Variants in EPHA6 observed in about 807,000 individuals in gnomAD.
The protein encoded by EPHA6 is ephrin type-A receptor 6.
A neutral mutation model predicts 112.0 loss-of-function variants in EPHA6; 50 were observed. The ratio of observed to expected loss-of-function variants is 0.45; its 90% CI spans 0.36 to 0.56. The LOEUF is 0.56. Among genes scored for constraint, EPHA6 ranks in the 20% least tolerant of loss-of-function variants. The pLI, the probability that EPHA6 is intolerant of heterozygous loss-of-function variation, is 0.00. For synonymous variants in EPHA6, 529 were observed against 490.7 expected, an observed-to-expected ratio of 1.08 and a Z score of -1.03; for missense variants, 1,280 against 1,417.4, an observed-to-expected ratio of 0.90 and a Z score of 1.56.
At chr3:97,627,766 CT>C (rs1387377340) in intron 13 of EPHA6, among the ~76,000 whole-genome samples, 1 of 151,796 alleles carries the variant, frequency 6.6e-6, no homozygotes, top group East Asian at 1.9e-4. Context: ...GGAAACATCT[CT>C]TGGACAGCAA....
chr3:97,492,170 A>G (rs970943447), intron 10 of EPHA6, among the ~76,000 whole-genome samples: 3 of 151,664 alleles, frequency 2.0e-5, no homozygotes, highest in Admixed American at 1.3e-4. Flanking sequence ...TTTGCTTTGC[A>G]CCCCCTAATG....
chr3:97,492,476 A>AGATTGTAGT (rs1246623778), intron 10 of EPHA6, among the ~76,000 whole-genome samples: 1 of 141,990 alleles, frequency 7.0e-6, no homozygotes, highest in Non-Finnish European at 1.5e-5. Context: ...AGGGAGGCGG[A>AGATTGTAGT]GATTGTAGTG....
At chr3:96,913,201 CACACACACACA>C (rs2039311833) in intron 2 of EPHA6, among the ~76,000 whole-genome samples, 1 of 121,218 alleles carries the variant, frequency 8.2e-6, no homozygotes, top group African/African-American at 3.2e-5. Context: ...CACACACACA[CACACACACACA>C]CCACACACAC....
intron 10 of EPHA6, among the ~76,000 whole-genome samples, chr3:97,493,361 T>G (rs187310391): frequency 1.3e-5 from 2 of 152,270 alleles, no homozygotes; most frequent in Admixed American, 1.3e-4. Flanking sequence ...TTCTGGAGGC[T>G]GGAGTTTTAG....
At chr3:97,009,259 A>G (rs535853340) in intron 3 of EPHA6, among the ~76,000 whole-genome samples, 8 of 152,116 alleles carry the variant, frequency 5.3e-5, no homozygotes, top group Non-Finnish European at 1.0e-4. Context: ...TCCTTCCCCT[A>G]GGGGCTAAGG....
intron 16 of EPHA6, among the ~76,000 whole-genome samples, chr3:97,746,918 T>C (rs1044268170): frequency 6.6e-6 from 1 of 151,930 alleles, no homozygotes; most frequent in Non-Finnish European, 1.5e-5. Flanking sequence ...AAATGGAAGT[T>C]TGATCAATGA....
At chr3:97,685,052 T>TATG (rs1294514073) in intron 14 of EPHA6, among the ~76,000 whole-genome samples, 3 of 152,186 alleles carry the variant, frequency 2.0e-5, no homozygotes, top group African/African-American at 7.2e-5. Context: ...TAAGTTTGCC[T>TATG]ATGACAGCTG....
chr3:97,687,077 G>T (rs896453898), intron 14 of EPHA6, among the ~76,000 whole-genome samples: 1 of 152,180 alleles, frequency 6.6e-6, no homozygotes, highest in African/African-American at 2.4e-5. Flanking sequence ...ACAAATGAAA[G>T]TCCTTTCCCC....
At chr3:97,230,254 A>T (rs974180260) in intron 4 of EPHA6, among the ~76,000 whole-genome samples, 2 of 152,164 alleles carry the variant, frequency 1.3e-5, no homozygotes, top group Non-Finnish European at 1.5e-5. Context: ...GTAAAGTAGT[A>T]TAGTCAATAA....
chr3:97,599,538 T>C (rs868658361), intron 12 of EPHA6, among the ~76,000 whole-genome samples: 1 of 150,062 alleles, frequency 6.7e-6, no homozygotes, highest in African/African-American at 2.5e-5. Flanking sequence ...TTTCCCCATT[T>C]CTTGTTTTTC....
chr3:97,281,199 CTA>C lies in EPHA6; in HGVS notation c.1606+36914_1606+36915del, dbSNP rs775586188. ...AATTGCAATCATTAATTCAAAGAGTCTATGTGTGTGTGTGTGTGTGTGTGTGT... is the reference window on the plus strand; with the variant it reads ...AATTGCAATCATTAATTCAAAGAGTCTGTGTGTGTGTGTGTGTGTGTGTGT... On this transcript the variant is annotated intron_variant, in intron 5 of 17. Coordinates refer to ENST00000389672, the MANE Select transcript of EPHA6 (RefSeq NM_001080448.3). Among the ~76,000 whole-genome samples, 31 of 68,056 alleles carry C rather than the reference CTA, an allele frequency of 4.6e-4. No individual in the cohort carries two copies. In the East Asian group the frequency reaches 7.9e-3, roughly 17 times the overall value. The allele number at this position is 68,056 out of a possible 152,430, so 44.6% of individuals were successfully genotyped here. A position where few individuals can be genotyped will look rare whatever the true frequency, so the allele number is the denominator to read the frequency against.
At position 97,349,351 on chromosome 3, in the gene EPHA6, G is replaced by A. The variant is rs189177215; in HGVS notation, c.1607-55799G>A. On this transcript the variant is annotated intron_variant, in intron 5 of 17. Coordinates refer to ENST00000389672, the MANE Select transcript of EPHA6 (RefSeq NM_001080448.3). ...TGGGTACAGCCAACTTCAAATATGT[G>A]AGTATGCTTTGACAATTACAATCAC... Among the ~76,000 whole-genome samples, 189 of 152,040 alleles carry A rather than the reference G, an allele frequency of 1.2e-3. 2 individuals carry two copies. The highest frequency in any genetic ancestry group is 4.1e-3 in the African/African-American group (170 of 41,494).
intron 3 of EPHA6, among the ~76,000 whole-genome samples, chr3:97,120,670 T>G (rs2048016969): frequency 6.6e-6 from 1 of 151,990 alleles, no homozygotes; most frequent in Non-Finnish European, 1.5e-5. Flanking sequence ...AGCTTATCCT[T>G]AAGCTGAGCA....
intron 5 of EPHA6, among the ~76,000 whole-genome samples, chr3:97,324,820 G>A (rs576204080): frequency 1.3e-5 from 2 of 151,990 alleles, no homozygotes; most frequent in East Asian, 3.9e-4. Flanking sequence ...GATTACAGAC[G>A]TGAGCCACTG....
chr3:97,443,996 A>C (rs1036556734), intron 6 of EPHA6, among the ~76,000 whole-genome samples: 1 of 152,102 alleles, frequency 6.6e-6, no homozygotes, highest in Admixed American at 6.6e-5. Context: ...TGTTTTGCTA[A>C]TTTACTTATT....
At chr3:97,258,077 C>G (rs1266183938) in intron 5 of EPHA6, among the ~76,000 whole-genome samples, 1 of 152,004 alleles carries the variant, frequency 6.6e-6, no homozygotes, top group African/African-American at 2.4e-5. Context: ...TATATTTACC[C>G]TATCACAGTG....
chr3:97,645,853 C>A (rs191702301), intron 14 of EPHA6, among the ~76,000 whole-genome samples: 1 of 152,042 alleles, frequency 6.6e-6, no homozygotes, highest in African/African-American at 2.4e-5. Context: ...TGCTGTGTAA[C>A]TATAATTGCT....
At chr3:97,289,411 G>A (rs1379997632) in intron 5 of EPHA6, among the ~76,000 whole-genome samples, 1 of 152,022 alleles carries the variant, frequency 6.6e-6, no homozygotes, top group Admixed American at 6.6e-5. Flanking sequence ...TTTATTAGGG[G>A]TTCTGTATTC....
At chr3:97,391,176 G>A (rs2086374905) in intron 5 of EPHA6, among the ~76,000 whole-genome samples, 1 of 151,670 alleles carries the variant, frequency 6.6e-6, no homozygotes, top group Admixed American at 6.6e-5. Context: ...GTGGTCATAT[G>A]CATGGAGTAC....
Sources: gnomAD v4.1 joint callset for allele counts (sites outside exome capture counted in the v4.1 genomes callset) on GRCh38, gnomAD v4.1.1 for gene constraint, MANE v1.5 for transcripts, NCBI Gene and HGNC (gene_info 2026-07-23, HGNC 2026-07-21) for gene names.